The following EHMT1 variants were observed in gnomAD, a reference collection of about 807,000 sequenced individuals.
EHMT1 encodes the protein histone-lysine N-methyltransferase EHMT1.
Under a neutral mutation model 147.2 loss-of-function variants are expected in EHMT1, and 15 were observed. That is an observed-to-expected ratio of 0.10 (90% CI 0.07 to 0.16). EHMT1 has a LOEUF of 0.16. Among genes scored for constraint, EHMT1 ranks in the 10% least tolerant of loss-of-function variants. The pLI, the probability that EHMT1 is intolerant of heterozygous loss-of-function variation, is 1.00. For missense variants in EHMT1, 1,587 were observed against 1,772.4 expected (o/e 0.90, Z 1.88); for synonymous variants, 795 against 709.6 (o/e 1.12, Z -1.91).
intron 1 of EHMT1, among the ~76,000 whole-genome samples, chr9:137,630,012 T>C (rs1217309504): frequency 2.0e-5 from 3 of 152,260 alleles, no homozygotes; most frequent in Admixed American, 2.0e-4. Flanking sequence ...AAGTGGCTGC[T>C]ATAACTCTTC....
chr9:137,755,352 C>A (rs1949303611), intron 8 of EHMT1, among the ~76,000 whole-genome samples: 1 of 152,172 alleles, frequency 6.6e-6, no homozygotes, highest in Admixed American at 6.5e-5. Flanking sequence ...TGTTTTTCAT[C>A]TGGCTTCTCT....
intron 6 of EHMT1, among the ~76,000 whole-genome samples, chr9:137,751,673 G>A (rs1222227756): frequency 4.6e-5 from 7 of 152,176 alleles, no homozygotes. Context: ...AAAATAAGAT[G>A]TGTCTGTTCT....
chr9:137,801,314 C>CTTTGTT (rs1207182529), intron 18 of EHMT1, among the ~76,000 whole-genome samples: 1 of 152,174 alleles, frequency 6.6e-6, no homozygotes, highest in Non-Finnish European at 1.5e-5. Flanking sequence ...CTGGCTCTCC[C>CTTTGTT]TTTGTTTTTG....
intron 18 of EHMT1, among the ~76,000 whole-genome samples, chr9:137,808,789 A>G (rs562643308): frequency 6.6e-6 from 1 of 152,226 alleles, no homozygotes; most frequent in East Asian, 1.9e-4. Context: ...TGGGCCTGGT[A>G]GCATGAGCCT....
chr9:137,730,898 A>G (rs1161587307), intron 4 of EHMT1, among the ~76,000 whole-genome samples: 1 of 152,118 alleles, frequency 6.6e-6, no homozygotes, highest in Non-Finnish European at 1.5e-5. Context: ...CTCACCATCA[A>G]CTTACCAACT....
chr9:137,776,060 T>G lies in EHMT1; in HGVS notation c.1792-558T>G, dbSNP rs1388115054. Among the ~76,000 whole-genome samples the G allele has an allele frequency of 1.3e-5, 2 of 152,210 alleles. No individual in the cohort carries two copies. Among genetic ancestry groups the G allele is most frequent in the Non-Finnish European group, 2.9e-5 (2 of 68,046 alleles). The stretch of plus-strand genomic sequence containing the variant: ...GCTTCCACTTTTGGGAGACTTTCTT[T>G]GGACTTCACACCTTGCATGTCCTCC... On this transcript the variant is annotated intron_variant, in intron 11 of 26. Coordinates refer to ENST00000460843, the MANE Select transcript of EHMT1 (RefSeq NM_024757.5). This position sits in a 1 kb window ranked among gnomAD's most constrained non-coding sequence, Gnocchi z 4.4.
At chr9:137,753,643 G>A (rs1036964633) in intron 7 of EHMT1, among the ~76,000 whole-genome samples, 1 of 152,220 alleles carries the variant, frequency 6.6e-6, no homozygotes, top group Non-Finnish European at 1.5e-5. Context: ...GGCGCCTGCT[G>A]TGCATCCGTG....
At chr9:137,702,095 A>G (rs1202987057) in intron 1 of EHMT1, among the ~76,000 whole-genome samples, 1 of 151,926 alleles carries the variant, frequency 6.6e-6, no homozygotes, top group African/African-American at 2.4e-5. Flanking sequence ...CGCCCAGCCT[A>G]ATTTTTGTAT....
chr9:137,722,037 T>C (rs1023586496), intron 3 of EHMT1, among the ~76,000 whole-genome samples: 13 of 152,098 alleles, frequency 8.5e-5, no homozygotes, highest in African/African-American at 2.7e-4. Flanking sequence ...TTTGAGTTAA[T>C]GTTTGTATAA....
Position 137,732,947 on chromosome 9 carries a change from C to T in EHMT1, c.823+4418C>T, listed in dbSNP as rs1947242977. Among the ~76,000 whole-genome samples, 1 of 152,172 alleles carries T rather than the reference C, an allele frequency of 6.6e-6. No individual in the cohort carries two copies. Among genetic ancestry groups the T allele is most frequent in the South Asian group, 2.1e-4 (1 of 4,828 alleles). On this transcript the variant is annotated intron_variant, in intron 4 of 26. Coordinates refer to ENST00000460843, the MANE Select transcript of EHMT1 (RefSeq NM_024757.5). This position sits in a 1 kb window ranked among gnomAD's most constrained non-coding sequence, Gnocchi z 4.6. ...GTTCTGCTCTTTCCCTCCTGCTACC[C>T]CCTTAAGTTTACCACAGGCAGGAAA...
intron 1 of EHMT1, among the ~76,000 whole-genome samples, chr9:137,625,991 AATC>A (rs1394568189): frequency 6.7e-6 from 1 of 149,842 alleles, no homozygotes; most frequent in East Asian, 2.0e-4. Flanking sequence ...GAGTAGCTGG[AATC>A]ACAGGCATGC....
At chr9:137,738,283 A>G (rs1405403028) in intron 4 of EHMT1, among the ~76,000 whole-genome samples, 1 of 152,176 alleles carries the variant, frequency 6.6e-6, no homozygotes, top group Non-Finnish European at 1.5e-5. Context: ...AGATGCACAA[A>G]TGGCCAGTAA....
chr9:137,775,203 G>A lies in EHMT1; in HGVS notation c.1742G>A (p.Arg581His). 1.2e-6 allele frequency: 2 copies of A among 1,613,336 alleles called. No individual in the cohort carries two copies. Among genetic ancestry groups the A allele is most frequent in the Non-Finnish European group, 8.5e-7 (1 of 1,179,994 alleles). Residue 581 changes from arginine to histidine, a missense_variant, in exon 11 of 27, where the codon CGC becomes CAC. This residue lies in a region of EHMT1 where 124 missense variants were observed against 197.8 expected (regional missense o/e 0.63). Coordinates refer to ENST00000460843, the MANE Select transcript of EHMT1 (RefSeq NM_024757.5). The surrounding 1 kb of genome is among the most constrained non-coding windows in gnomAD (Gnocchi z 6.1). Reference sequence around the variant, plus strand: ...GTGCTGTGTGAAGACCACCGGGGCCGCATGGTGAAGCACCAGTGCTGTCCT... The same window carrying A: ...GTGCTGTGTGAAGACCACCGGGGCCACATGGTGAAGCACCAGTGCTGTCCT... ...LLVLCEDHRG[R>H]MVKHQCCPGC... is the part of the protein sequence containing the mutation.
At chr9:137,773,978 T>G (rs774913026) in intron 10 of EHMT1, among the ~76,000 whole-genome samples, 1 of 152,170 alleles carries the variant, frequency 6.6e-6, no homozygotes, top group Non-Finnish European at 1.5e-5. Context: ...GTGCCCTCAT[T>G]GCTTCCACCT....
At chr9:137,726,082 C>G (rs957308740) in intron 3 of EHMT1, among the ~76,000 whole-genome samples, 1 of 131,454 alleles carries the variant, frequency 7.6e-6, no homozygotes, top group Non-Finnish European at 1.6e-5. Flanking sequence ...ATGCAGGTGC[C>G]TTGTCGTGTG....
intron 1 of EHMT1, chr9:137,641,433 A>G (rs1363621191): frequency 1.9e-6 from 1 of 530,394 alleles, no homozygotes. Context: ...AGCACTGGTC[A>G]AACAATGCAG....
intron 3 of EHMT1, chr9:137,717,389 G>T: frequency 1.4e-6 from 1 of 704,700 alleles, no homozygotes; most frequent in Admixed American, 2.5e-5. Flanking sequence ...GATTGCTTGA[G>T]CCTAGGAGTT....
At chr9:137,673,431 C>T (rs77082682) in intron 1 of EHMT1, among the ~76,000 whole-genome samples, 3,615 of 152,204 alleles carry the variant, frequency 0.024, 127 homozygotes, top group African/African-American at 0.082. Flanking sequence ...ATTTTTATGT[C>T]TCATGTTGTT....
chr9:137,830,621 A>G (rs988869500), intron 25 of EHMT1, among the ~76,000 whole-genome samples: 6 of 151,614 alleles, frequency 4.0e-5, no homozygotes, highest in African/African-American at 1.5e-4. Flanking sequence ...CCCGGATGGC[A>G]TCTGCGCTTC....
Sources: allele counts gnomAD v4.1 joint callset (sites outside exome capture counted in the v4.1 genomes callset), GRCh38; gene constraint gnomAD v4.1.1; regional missense constraint gnomAD v4.1.1; non-coding constraint Gnocchi (gnomAD v3.1); transcripts MANE v1.5; gene names NCBI Gene and HGNC (gene_info 2026-07-23, HGNC 2026-07-21).